The following CREB5 variants were observed in gnomAD, a reference collection of about 807,000 sequenced individuals.
The protein encoded by CREB5 is cyclic AMP-responsive element-binding protein 5.
A neutral mutation model predicts 57.1 loss-of-function variants in CREB5; 19 were observed. That is an observed-to-expected ratio of 0.33 (90% CI 0.23 to 0.49). The LOEUF (loss-of-function observed/expected upper bound fraction) is 0.49. Among genes scored for constraint, CREB5 ranks in the 20% least tolerant of loss-of-function variants. The probability of loss-of-function intolerance (pLI) is 0.99; values close to 1 mark genes in which losing one functional copy is unlikely to be tolerated. For missense variants in CREB5, 579 were observed against 671.6 expected (o/e 0.86, Z 1.52); for synonymous variants, 238 against 238.3 (o/e 1.00, Z 0.01).
intron 7 of CREB5, among the ~76,000 whole-genome samples, chr7:28,801,589 AGTT>A (rs1242249825): frequency 1.2e-4 from 19 of 152,290 alleles, no homozygotes; most frequent in African/African-American, 4.6e-4. Flanking sequence ...AAATTATTCT[AGTT>A]ATTCTTTCAT....
chr7:28,646,398 A>C (rs995542128), intron 5 of CREB5, among the ~76,000 whole-genome samples: 1 of 152,190 alleles, frequency 6.6e-6, no homozygotes, highest in African/African-American at 2.4e-5. Flanking sequence ...AACATCAGTC[A>C]CATCTTTCTC....
chr7:28,629,073 C>G (rs770284868), intron 5 of CREB5, among the ~76,000 whole-genome samples: 3 of 152,186 alleles, frequency 2.0e-5, no homozygotes, highest in Non-Finnish European at 4.4e-5. Context: ...CCTGTGTCAT[C>G]TTGGACCAAA....
intron 7 of CREB5, among the ~76,000 whole-genome samples, chr7:28,739,454 A>C (rs1267182717): frequency 2.0e-5 from 3 of 152,236 alleles, no homozygotes; most frequent in African/African-American, 7.2e-5. Flanking sequence ...GAAAAACAGC[A>C]CTAAATAACT....
At chr7:28,801,175 A>G (rs116863110) in intron 7 of CREB5, among the ~76,000 whole-genome samples, 1,930 of 152,354 alleles carry the variant, frequency 0.013, 31 homozygotes, top group Non-Finnish European at 0.021. Context: ...GATTTTGTGC[A>G]AAGCAAATGT....
chr7:28,649,444 G>T (rs1280905028), intron 5 of CREB5, among the ~76,000 whole-genome samples: 1 of 152,234 alleles, frequency 6.6e-6, no homozygotes, highest in East Asian at 1.9e-4. Context: ...GTCTATGGCA[G>T]CTGAGTGGAG....
At chr7:28,315,972 A>G (rs941785786) in intron 1 of CREB5, among the ~76,000 whole-genome samples, 2 of 152,204 alleles carry the variant, frequency 1.3e-5, no homozygotes, top group African/African-American at 4.8e-5. Context: ...TTTACCTGCC[A>G]ACCACATTTC....
chr7:28,443,257 G>A (rs1036256605), intron 1 of CREB5, among the ~76,000 whole-genome samples: 1 of 152,172 alleles, frequency 6.6e-6, no homozygotes, highest in Non-Finnish European at 1.5e-5. Flanking sequence ...TGACCCAGGT[G>A]GCTGCTGAAC....
intron 1 of CREB5, among the ~76,000 whole-genome samples, chr7:28,486,670 T>TTATATATATATATA (rs139222705): frequency 0.03 from 2,649 of 88,934 alleles, 241 homozygotes; most frequent in Non-Finnish European, 0.038. Flanking sequence ...TCCTATGATT[T>TTATATATATATATA]TATATATATA....
At chr7:28,469,144 C>G (rs1790710635) in intron 1 of CREB5, among the ~76,000 whole-genome samples, 1 of 152,158 alleles carries the variant, frequency 6.6e-6, no homozygotes, top group Admixed American at 6.5e-5. Flanking sequence ...TCACTTGAGC[C>G]AAGGGGTTCG....
intron 4 of CREB5, among the ~76,000 whole-genome samples, chr7:28,529,372 G>A (rs977009231): frequency 6.6e-6 from 1 of 152,194 alleles, no homozygotes; most frequent in Non-Finnish European, 1.5e-5. Flanking sequence ...GGCAGAAAAG[G>A]ATGGGCCAGG....
At position 28,822,700 on chromosome 7, in the gene CREB5, T is replaced by G. The variant is rs773609507; in HGVS notation, c.*3421T>G. On this transcript the variant is annotated 3_prime_UTR_variant, in exon 11 of 11. Coordinates refer to ENST00000357727, the MANE Select transcript of CREB5 (RefSeq NM_182898.4). ...CTGAGAGCATTTCTATCAGGTAAAC[T>G]GTCACTTAAATGGAGGTGTCCACAT... is the stretch of plus-strand genomic sequence containing the variant. 4.6e-5 allele frequency: 7 copies of G among 152,678 alleles called. No homozygotes were observed. Among genetic ancestry groups the G allele is most frequent in the Non-Finnish European group, 8.8e-5 (6 of 68,054 alleles). 9.5% of individuals were successfully genotyped at this position (152,678 alleles called of 1,614,324 possible). A position where few individuals can be genotyped will look rare whatever the true frequency, so the allele number is the denominator to read the frequency against.
rs574651457 is a variant in CREB5, at chr7:28,580,820, G to A, written c.464+10283G>A. ...CAAAGGCCCGACCAATCACCCACAAGTGCTTCAACATGTTTGGACGATGTC... is the reference window on the plus strand; with the variant it reads ...CAAAGGCCCGACCAATCACCCACAAATGCTTCAACATGTTTGGACGATGTC... On this transcript the variant is annotated intron_variant, in intron 5 of 10. Coordinates refer to ENST00000357727, the MANE Select transcript of CREB5 (RefSeq NM_182898.4). 3.3e-5 allele frequency among the ~76,000 whole-genome samples: 5 copies of A among 152,246 alleles called. 1 individual carries two copies. In the South Asian group the frequency reaches 1.0e-3, roughly 32 times the overall value.
intron 4 of CREB5, among the ~76,000 whole-genome samples, chr7:28,520,186 G>T (rs551202730): frequency 6.6e-6 from 1 of 152,174 alleles, no homozygotes; most frequent in Non-Finnish European, 1.5e-5. Context: ...CAATAGAGCC[G>T]TGTTCCTTCA....
chr7:28,310,049 G>A (rs1785248792), intron 1 of CREB5, among the ~76,000 whole-genome samples: 1 of 152,166 alleles, frequency 6.6e-6, no homozygotes, highest in South Asian at 2.1e-4. Context: ...GGGCTTTGGA[G>A]CTAAGCAACA....
At chr7:28,783,690 G>T (rs1807131308) in intron 7 of CREB5, among the ~76,000 whole-genome samples, 1 of 152,166 alleles carries the variant, frequency 6.6e-6, no homozygotes. Context: ...GCCTTGGGGG[G>T]AGACCTTGGG....
chr7:28,742,819 G>A (rs529287166), intron 7 of CREB5, among the ~76,000 whole-genome samples: 4 of 151,740 alleles, frequency 2.6e-5, no homozygotes, highest in South Asian at 2.1e-4. Context: ...TTTCACTCTC[G>A]TTGCCCAAGG....
intron 1 of CREB5, among the ~76,000 whole-genome samples, chr7:28,464,957 A>G (rs1248367874): frequency 6.6e-6 from 1 of 152,230 alleles, no homozygotes; most frequent in Non-Finnish European, 1.5e-5. Context: ...TATAATTGGT[A>G]TGTTATGGGA....
chr7:28,770,076 C>A, intron 7 of CREB5, among the ~76,000 whole-genome samples: 1 of 152,354 alleles, frequency 6.6e-6, no homozygotes, highest in South Asian at 2.1e-4. Flanking sequence ...CCTACAACAA[C>A]TTCTTCCAAC....
chr7:28,564,168 C>T (rs1795390949), intron 4 of CREB5, among the ~76,000 whole-genome samples: 1 of 152,148 alleles, frequency 6.6e-6, no homozygotes, highest in African/African-American at 2.4e-5. Context: ...TCATAACTGC[C>T]CAGGCATCAT....
Sources: gnomAD v4.1 joint callset for allele counts (sites outside exome capture counted in the v4.1 genomes callset) on GRCh38, gnomAD v4.1.1 for gene constraint, MANE v1.5 for transcripts, NCBI Gene and HGNC (gene_info 2026-07-23, HGNC 2026-07-21) for gene names.